The following KCNH7 variants were observed in gnomAD, a reference collection of about 807,000 sequenced individuals.
KCNH7 encodes potassium voltage-gated channel subfamily H member 7, also known as voltage-gated inwardly rectifying potassium channel KCNH7.
KCNH7 carries 49 observed loss-of-function variants against 120.8 expected under a neutral mutation model. The ratio of observed to expected loss-of-function variants is 0.41; its 90% CI spans 0.32 to 0.51. The LOEUF (loss-of-function observed/expected upper bound fraction) is 0.51. Among genes scored for constraint, KCNH7 ranks in the 20% least tolerant of loss-of-function variants. The pLI is 0.38. For missense variants in KCNH7, 1,097 were observed against 1,446.6 expected (o/e 0.76, Z 3.92); for synonymous variants, 547 against 516.1 (o/e 1.06, Z -0.81).
intron 6 of KCNH7, among the ~76,000 whole-genome samples, chr2:162,448,041 A>T (rs1196232973): frequency 6.6e-6 from 1 of 152,110 alleles, no homozygotes; most frequent in Non-Finnish European, 1.5e-5. Context: ...GTTTTATTTT[A>T]AGCTATTATG....
intron 2 of KCNH7, among the ~76,000 whole-genome samples, chr2:162,640,081 C>T (rs1360978308): frequency 6.6e-6 from 1 of 152,098 alleles, no homozygotes; most frequent in African/African-American, 2.4e-5. Flanking sequence ...AAAGTGTGTT[C>T]ATGGATTGGA....
At position 162,373,503 on chromosome 2, in the gene KCNH7, G is replaced by T; in HGVS notation, c.3291C>A (p.Ile1097=). Residue 1097 remains isoleucine, a synonymous_variant, in exon 15 of 16, where the codon ATC becomes ATA. Coordinates refer to ENST00000332142, the MANE Select transcript of KCNH7 (RefSeq NM_033272.4). ...AAGGGCTGAAACTTCGGTCAGTTTT[G>T]ATGGATGCTTCCGGTTGACTGGTTC... is the stretch of plus-strand genomic sequence containing the variant. The part of the protein sequence containing the change: ...LMRTSQPEAS[I]KTDRSFSPSS... 1 of 1,571,536 alleles carries T rather than the reference G, an allele frequency of 6.4e-7. No individual in the cohort carries two copies. Among genetic ancestry groups the T allele is most frequent in the South Asian group, 1.2e-5 (1 of 84,498 alleles).
At chr2:162,523,271 T>C (rs570157694) in intron 3 of KCNH7, among the ~76,000 whole-genome samples, 2 of 151,932 alleles carry the variant, frequency 1.3e-5, no homozygotes, top group Non-Finnish European at 2.9e-5. Context: ...ATTTCAGAAG[T>C]TGAATAACTA....
chr2:162,698,413 T>C (rs1007723720), intron 2 of KCNH7, among the ~76,000 whole-genome samples: 36 of 149,484 alleles, frequency 2.4e-4, no homozygotes, highest in African/African-American at 8.7e-4. Flanking sequence ...TTTTGTAGGA[T>C]AACTTTAATC....
intron 2 of KCNH7, among the ~76,000 whole-genome samples, chr2:162,601,314 T>C (rs919239573): frequency 6.0e-5 from 9 of 150,588 alleles, no homozygotes; most frequent in African/African-American, 1.7e-4. Context: ...TTCTGGGCAT[T>C]TGGCTCCAAA....
chr2:162,804,911 G>A (rs1205305887), intron 2 of KCNH7, among the ~76,000 whole-genome samples: 1 of 151,818 alleles, frequency 6.6e-6, no homozygotes, highest in Non-Finnish European at 1.5e-5. Context: ...TAAACCAATG[G>A]AACAGAATAG....
chr2:162,528,475 T>A (rs1030679054), intron 3 of KCNH7: 3 of 151,984 alleles, frequency 2.0e-5, no homozygotes, highest in Admixed American at 2.0e-4. Flanking sequence ...GGAATAGGTA[T>A]GCTAGAAGAA....
At chr2:162,471,130 C>T (rs1372295544) in intron 6 of KCNH7, among the ~76,000 whole-genome samples, 3 of 152,158 alleles carry the variant, frequency 2.0e-5, no homozygotes, top group Non-Finnish European at 2.9e-5. Context: ...GGGTCCTCTG[C>T]CTAGGAAAAC....
At chr2:162,679,696 G>A (rs1685649020) in intron 2 of KCNH7, among the ~76,000 whole-genome samples, 1 of 151,554 alleles carries the variant, frequency 6.6e-6, no homozygotes, top group African/African-American at 2.4e-5. Flanking sequence ...TATGAAAAAT[G>A]CTTTACAGTG....
chr2:162,580,699 A>G (rs1693837368), intron 2 of KCNH7, among the ~76,000 whole-genome samples: 1 of 152,054 alleles, frequency 6.6e-6, no homozygotes, highest in Admixed American at 6.6e-5. Flanking sequence ...TGGAGAGAAG[A>G]ACAGATCAAA....
intron 2 of KCNH7, among the ~76,000 whole-genome samples, chr2:162,823,888 T>A (rs930274420): frequency 2.6e-5 from 4 of 152,168 alleles, no homozygotes; most frequent in Non-Finnish European, 4.4e-5. Flanking sequence ...AAAATTTAGA[T>A]GTTACCAGTT....
At chr2:162,812,211 A>C (rs1573918522) in intron 2 of KCNH7, among the ~76,000 whole-genome samples, 1 of 152,178 alleles carries the variant, frequency 6.6e-6, no homozygotes, top group Admixed American at 6.6e-5. Flanking sequence ...CAGAGAATTT[A>C]GACAGGAAGC....
chr2:162,569,936 A>G lies in KCNH7; in HGVS notation c.308-32856T>C, dbSNP rs367592372. Among the ~76,000 whole-genome samples, 54 of 128,124 alleles carry G rather than the reference A, an allele frequency of 4.2e-4. 1 individual carries two copies. Among genetic ancestry groups the G allele is most frequent in the Middle Eastern group, 7.8e-3 (2 of 256 alleles). 84.1% of individuals were successfully genotyped at this position (128,124 alleles called of 152,430 possible). On this transcript the variant is annotated intron_variant, in intron 2 of 15. Transcript: ENST00000332142. Reference sequence around the variant, plus strand: ...CTGTTCTTTTACATTTGCTGAGGAGAGCTTTACTTCCAAGTATGTGGTCAA... The same window carrying G: ...CTGTTCTTTTACATTTGCTGAGGAGGGCTTTACTTCCAAGTATGTGGTCAA...
chr2:162,705,875 A>C (rs1425024822), intron 2 of KCNH7, among the ~76,000 whole-genome samples: 1 of 152,156 alleles, frequency 6.6e-6, no homozygotes, highest in Non-Finnish European at 1.5e-5. Context: ...AAGTGAAAAC[A>C]CCCTAAATCA....
intron 2 of KCNH7, among the ~76,000 whole-genome samples, chr2:162,639,923 C>A (rs1322877131): frequency 6.6e-6 from 1 of 152,070 alleles, no homozygotes; most frequent in African/African-American, 2.4e-5. Context: ...ATATACTAAC[C>A]ATGAGCCAAA....
intron 2 of KCNH7, among the ~76,000 whole-genome samples, chr2:162,561,987 G>A (rs9750628): frequency 0.52 from 78,380 of 151,854 alleles, 20,462 homozygotes; most frequent in Middle Eastern, 0.62. Flanking sequence ...ACATGTTCTC[G>A]CTCATGAGTG....
chr2:162,465,659 G>A (rs1024306164), intron 6 of KCNH7, among the ~76,000 whole-genome samples: 6 of 152,190 alleles, frequency 3.9e-5, no homozygotes, highest in Middle Eastern at 3.4e-3. Flanking sequence ...GTAATGGTGC[G>A]CATTGTATTC....
At chr2:162,722,813 CTTTTTTT>C (rs894023630) in intron 2 of KCNH7, among the ~76,000 whole-genome samples, 3 of 85,110 alleles carry the variant, frequency 3.5e-5, no homozygotes, top group Non-Finnish European at 6.4e-5. Context: ...TTCTTTTTTT[CTTTTTTT>C]TTTTTTTTTT....
In KCNH7 at chr2:162,630,480, T is replaced by TG. The variant is rs541305932; in HGVS notation, c.308-93401dup. Among the ~76,000 whole-genome samples the TG allele has an allele frequency of 3.1e-4, 47 of 150,942 alleles. No individual in the cohort carries two copies. The East Asian group carries it at 7.9e-3, about 25-fold the overall frequency. ...TAAAAACTAACATTAAAAAAAGACATGGAAAAAAAAGACGCAAGAAAAGTG... is the reference window on the plus strand; with the variant it reads ...TAAAAACTAACATTAAAAAAAGACATGGGAAAAAAAAGACGCAAGAAAAGTG... On this transcript the variant is annotated intron_variant, in intron 2 of 15. Coordinates refer to ENST00000332142, the MANE Select transcript of KCNH7 (RefSeq NM_033272.4).
Sources: allele counts gnomAD v4.1 joint callset (sites outside exome capture counted in the v4.1 genomes callset), GRCh38; gene constraint gnomAD v4.1.1; transcripts MANE v1.5; gene names NCBI Gene and HGNC (gene_info 2026-07-23, HGNC 2026-07-21).